Variants in RNF212 observed in about 807,000 individuals in gnomAD.
RNF212 encodes ring finger protein 212.
In RNF212, 33 loss-of-function variants were observed where a neutral mutation model predicts 34.7. That is an observed-to-expected ratio of 0.95 (90% CI 0.72 to 1.27). The LOEUF is 1.27. RNF212 is among the 50% of genes most tolerant of loss of function. The probability of loss-of-function intolerance (pLI) is 0.00; values close to 1 mark genes in which losing one functional copy is unlikely to be tolerated. For missense variants in RNF212, 377 were observed against 362.2 expected (o/e 1.04, Z -0.33); for synonymous variants, 140 against 136.1 (o/e 1.03, Z -0.20).
chr4:1,084,613 C>G lies in RNF212; in HGVS notation c.362+1283G>C, dbSNP rs561532649. On this transcript the variant is annotated intron_variant, in intron 5 of 9. Coordinates refer to ENST00000433731, the MANE Select transcript of RNF212 (RefSeq NM_001131034.4). ...TGTGTGGTGGTGCGTGCCTGTGGTC[C>G]CAGCTACTTGGCAGGCAGAGGCAGC... 2.2e-3 allele frequency among the ~76,000 whole-genome samples: 333 copies of G among 151,302 alleles called. 1 individual carries two copies. Among genetic ancestry groups the G allele is most frequent in the African/African-American group, 7.6e-3 (315 of 41,212 alleles).
At chr4:1,096,723 C>G in intron 3 of RNF212, 42 bp downstream of exon 3, 1 of 1,403,050 alleles carries the variant, frequency 7.1e-7, no homozygotes, top group Non-Finnish European at 1.0e-6. Context: ...GGATAGTGCA[C>G]CTGGCTCATC....
intron 3 of RNF212, among the ~76,000 whole-genome samples, chr4:1,060,469 G>A (rs1021828401): frequency 2.6e-5 from 4 of 152,240 alleles, no homozygotes; most frequent in Non-Finnish European, 5.9e-5. Flanking sequence ...CGAGAGCACC[G>A]CAGCCCTGAG....
intron 2 of RNF212, among the ~76,000 whole-genome samples, chr4:1,103,499 A>G (rs1724346891): frequency 6.6e-6 from 1 of 152,254 alleles, no homozygotes; most frequent in Non-Finnish European, 1.5e-5. Flanking sequence ...AACCCCATGC[A>G]AAATAGTAGC....
intron 8 of RNF212, among the ~76,000 whole-genome samples, chr4:1,075,451 G>A (rs2153038367): frequency 6.6e-6 from 1 of 152,308 alleles, no homozygotes; most frequent in African/African-American, 2.4e-5. Context: ...GCGTTGCAGG[G>A]CGAGCAGGCA....
At chr4:1,086,239 G>A (rs1721141466) in intron 4 of RNF212, among the ~76,000 whole-genome samples, 1 of 152,096 alleles carries the variant, frequency 6.6e-6, no homozygotes, top group South Asian at 2.1e-4. Context: ...CCCTTCCAGG[G>A]GAGCACCTGG....
chr4:1,072,764 CT>C lies in RNF212; in HGVS notation c.*109del. 6.9e-7 allele frequency: 1 copy of C among 1,455,918 alleles called. No homozygotes were observed. Among genetic ancestry groups the C allele is most frequent in the South Asian group, 1.5e-5 (1 of 67,234 alleles). 90.2% of individuals were successfully genotyped at this position (1,455,918 alleles called of 1,614,324 possible). A position where few individuals can be genotyped will look rare whatever the true frequency, so the allele number is the denominator to read the frequency against. ...GGGTAAAAGGTTAATATCCTGCACA[CT>C]GAGGGCTTCCACATAAATGACAAAG... On this transcript the variant is annotated 3_prime_UTR_variant, in exon 10 of 10. Coordinates refer to ENST00000433731, the MANE Select transcript of RNF212 (RefSeq NM_001131034.4).
intron 2 of RNF212, among the ~76,000 whole-genome samples, chr4:1,104,884 A>T (rs1724572768): frequency 6.6e-6 from 1 of 152,074 alleles, no homozygotes; most frequent in Non-Finnish European, 1.5e-5. Flanking sequence ...CACCACACCA[A>T]GGGAGGAGGA....
chr4:1,100,895 G>A, intron 2 of RNF212: 1 of 164,502 alleles, frequency 6.1e-6, no homozygotes, highest in South Asian at 1.7e-4. Flanking sequence ...TGTCACATGA[G>A]CAAATAGTTC....
downstream of RNF212, among the ~76,000 whole-genome samples, chr4:1,068,377 T>C (rs1718226531): frequency 6.6e-6 from 1 of 152,244 alleles, no homozygotes; most frequent in Non-Finnish European, 1.5e-5. Context: ...TAACACATGC[T>C]TTACAACGTC....
chr4:1,102,938 G>A (rs943106981), intron 2 of RNF212, among the ~76,000 whole-genome samples: 6 of 151,016 alleles, frequency 4.0e-5, no homozygotes, highest in Non-Finnish European at 8.8e-5. Context: ...TCAGGAGATC[G>A]AGACCATCCT....
chr4:1,111,968 G>C (rs145692089), intron 1 of RNF212, among the ~76,000 whole-genome samples: 4 of 152,148 alleles, frequency 2.6e-5, no homozygotes, highest in South Asian at 4.1e-4. Context: ...CCCACATTTC[G>C]GGAGGCCAAG....
At chr4:1,088,662 C>T (rs1166186081) in intron 4 of RNF212, among the ~76,000 whole-genome samples, 2 of 152,202 alleles carry the variant, frequency 1.3e-5, no homozygotes. Flanking sequence ...GCAGCCCCTC[C>T]CATCATAGGC....
rs147555569 is a variant in RNF212 at position 1,077,176 on chromosome 4, C to T, written c.510+2467G>A. ...CCGGGAGGCGGAGGTTGCAGTGAGCCGAGATCTCGCCACTGCACTCCAGCC... is the reference window on the plus strand; with the variant it reads ...CCGGGAGGCGGAGGTTGCAGTGAGCTGAGATCTCGCCACTGCACTCCAGCC... On this transcript the variant is annotated intron_variant, in intron 8 of 9. Transcript: ENST00000433731. 9.3e-3 allele frequency among the ~76,000 whole-genome samples: 1,410 copies of T among 152,158 alleles called. 20 individuals are homozygous for T. Among genetic ancestry groups the T allele is most frequent in the African/African-American group, 0.031 (1,291 of 41,524 alleles).
In RNF212 at chr4:1,079,703, G is replaced by A. The variant is rs1720014723; in HGVS notation, c.465-15C>T. The A allele has an allele frequency of 6.2e-7, 1 of 1,603,460 alleles. No homozygotes were observed. The highest frequency in any genetic ancestry group is 8.5e-7 in the Non-Finnish European group (1 of 1,170,374). On this transcript the variant is annotated splice_polypyrimidine_tract_variant and intron_variant, in intron 7 of 9. Transcript: ENST00000433731. ...TCGACTCCAGTCTGTTAAACACATA[G>A]TGAAAGGCTTTGAGTGAGCCCAGGA...
At chr4:1,113,690 T>C (rs62296477), upstream of RNF212, 310,605 of 450,800 alleles carry the variant, frequency 0.69, 111,018 homozygotes, top group Non-Finnish European at 0.75. Flanking sequence ...TCGTTTGGGC[T>C]GGAGTAGGCG....
chr4:1,093,255 G>A (rs1411573065), intron 3 of RNF212: 9 of 533,440 alleles, frequency 1.7e-5, no homozygotes, highest in Non-Finnish European at 2.6e-5. Flanking sequence ...AGAGAGCTTT[G>A]CTTATGTGGG....
intron 3 of RNF212, among the ~76,000 whole-genome samples, chr4:1,062,356 T>G (rs1335395703): frequency 6.6e-6 from 1 of 152,232 alleles, no homozygotes; most frequent in Non-Finnish European, 1.5e-5. Context: ...TATTAATATA[T>G]TCTATCAATG....
intron 5 of RNF212, among the ~76,000 whole-genome samples, chr4:1,082,919 C>G (rs555734139): frequency 6.6e-6 from 1 of 152,346 alleles, no homozygotes; most frequent in South Asian, 2.1e-4. Context: ...CTAAAATGCA[C>G]TGTTTCGTGG....
At chr4:1,108,510 C>A in intron 1 of RNF212, 106 bp from the exon 2 acceptor site, 1 of 534,462 alleles carries the variant, frequency 1.9e-6, no homozygotes. Context: ...AGGATTGTAT[C>A]ACTTACAGGT....
Sources: gnomAD v4.1 joint callset for allele counts (sites outside exome capture counted in the v4.1 genomes callset) on GRCh38, gnomAD v4.1.1 for gene constraint, MANE v1.5 for transcripts, NCBI Gene and HGNC (gene_info 2026-07-23, HGNC 2026-07-21) for gene names.